Variants in CLEC2L observed in about 807,000 individuals in gnomAD.
CLEC2L encodes the protein C-type lectin domain family 2 member L, also known as C-type lectin domain family 2, member L.
In CLEC2L, 14 loss-of-function variants were observed where a neutral mutation model predicts 23.6. That is an observed-to-expected ratio of 0.59 (90% CI 0.39 to 0.93). The LOEUF is 0.93. Ranked by LOEUF, CLEC2L falls within the 40% of genes least tolerant of loss-of-function variation. CLEC2L has a pLI of 0.00. For missense variants in CLEC2L, 264 were observed against 282.4 expected (o/e 0.93, Z 0.47); for synonymous variants, 114 against 121.3 (o/e 0.94, Z 0.40).
intron 1 of CLEC2L, among the ~76,000 whole-genome samples, chr7:139,527,040 GTC>G (rs538263145): frequency 7.7e-4 from 117 of 152,356 alleles, no homozygotes; most frequent in Non-Finnish European, 1.2e-3. Flanking sequence ...CCTCCAAGAA[GTC>G]TCTGCTCCTT....
Position 139,542,084 on chromosome 7 carries a change from T to C in CLEC2L, c.496T>C (p.Phe166Leu). 1.2e-6 allele frequency: 2 copies of C among 1,613,036 alleles called. No individual in the cohort carries two copies. Among genetic ancestry groups the C allele is most frequent in the East Asian group, 4.5e-5 (2 of 44,862 alleles). The change falls in exon 4 of 5, where the codon TTC becomes CTC. Residue 166 changes from phenylalanine to leucine, a missense_variant. By Grantham distance (22) the Phe-to-Leu change is conservative. Transcript: ENST00000422142. ...WIGLRRVGDE[F>L]HWVNGDPFDP... ...TGGACTACGCAGAGTTGGGGACGAA[T>C]TCCACTGGGTCAACGGGGACCCGTT...
At chr7:139,533,978 T>C (rs1025878466) in intron 1 of CLEC2L, among the ~76,000 whole-genome samples, 1 of 152,168 alleles carries the variant, frequency 6.6e-6, no homozygotes, top group Admixed American at 6.5e-5. Context: ...GTAACTGTAC[T>C]TAACTGTGCA....
intron 2 of CLEC2L, among the ~76,000 whole-genome samples, chr7:139,538,299 G>C (rs1344314610): frequency 6.6e-6 from 1 of 151,460 alleles, no homozygotes; most frequent in Non-Finnish European, 1.5e-5. Context: ...TGGGCATGGT[G>C]GTGTGTACCT....
chr7:139,540,597 C>A lies in CLEC2L; in HGVS notation c.432+110C>A. On this transcript the variant is annotated intron_variant, in intron 3 of 4. Coordinates refer to ENST00000422142, the MANE Select transcript of CLEC2L (RefSeq NM_001080511.4). This position sits in a 1 kb window ranked among gnomAD's most constrained non-coding sequence, Gnocchi z 5.8. ...GGATGCAGTGTTCCCTGTGACACGT[C>A]TCCAAAGCCGCCCACCTGCTGCATA... The A allele has an allele frequency of 7.6e-7, 1 of 1,308,376 alleles. No homozygotes were observed. The highest frequency in any genetic ancestry group is 1.1e-6 in the Non-Finnish European group (1 of 939,004). The allele number at this position is 1,308,376 out of a possible 1,614,324, so 81.0% of individuals were successfully genotyped here.
In CLEC2L at chr7:139,544,472, A is replaced by G; in HGVS notation, c.*130A>G. 1.6e-6 allele frequency: 1 copy of G among 638,418 alleles called. No homozygotes were observed. The highest frequency in any genetic ancestry group is 1.9e-5 in the South Asian group (1 of 51,652). 39.5% of individuals were successfully genotyped at this position (638,418 alleles called of 1,614,324 possible). ...GCGGTGGGTGCGTGGCCTCCGCCCC[A>G]GGCCCCTCTCCCAGGCCCTGGCGCT... On this transcript the variant is annotated 3_prime_UTR_variant, in exon 5 of 5. Transcript: ENST00000422142.
chr7:139,530,813 CAAAAAAAAAA>C (rs34317849), intron 1 of CLEC2L, among the ~76,000 whole-genome samples: 4 of 80,658 alleles, frequency 5.0e-5, no homozygotes, highest in Middle Eastern at 7.1e-3. Flanking sequence ...ACTCTTGTCT[CAAAAAAAAAA>C]AAAAAAAAAA....
chr7:139,526,383 G>A (rs1040848815), intron 1 of CLEC2L, among the ~76,000 whole-genome samples: 1 of 152,144 alleles, frequency 6.6e-6, no homozygotes, highest in Non-Finnish European at 1.5e-5. Flanking sequence ...GGACCCAGAC[G>A]GAAGGAGAGG....
intron 4 of CLEC2L, among the ~76,000 whole-genome samples, chr7:139,543,816 T>C (rs539429146): frequency 5.3e-5 from 8 of 152,112 alleles, no homozygotes; most frequent in Non-Finnish European, 1.0e-4. Context: ...AGATGGCTGC[T>C]TTGGGGACCT....
At chr7:139,538,947 T>C (rs1797698616) in intron 2 of CLEC2L, among the ~76,000 whole-genome samples, 1 of 152,150 alleles carries the variant, frequency 6.6e-6, no homozygotes, top group South Asian at 2.1e-4. Context: ...AGGAGATCCT[T>C]ATGGAAAAGC....
At chr7:139,542,181 C>A in intron 4 of CLEC2L, 60 bp downstream of exon 4, 1 of 1,147,742 alleles carries the variant, frequency 8.7e-7, no homozygotes. Flanking sequence ...CTGACTCACC[C>A]CCTGGACACA....
intron 3 of CLEC2L, 29 bp from the exon 4 acceptor site, chr7:139,541,992 C>T: frequency 6.6e-7 from 1 of 1,516,054 alleles, no homozygotes. Flanking sequence ...CGCATCTGAC[C>T]CTGAGGTGTC....
At chr7:139,542,395 T>C (rs6944625) in intron 4 of CLEC2L, among the ~76,000 whole-genome samples, 7,601 of 152,274 alleles carry the variant, frequency 0.05, 614 homozygotes, top group African/African-American at 0.17. Context: ...CTTGAGTCCC[T>C]GATCTGTGCA....
rs1045500229 is a variant in CLEC2L at position 139,523,946 on chromosome 7, C to G, written c.19C>G (p.Pro7Ala). 610 of 971,882 alleles carry G rather than the reference C, an allele frequency of 6.3e-4. 2 individuals carry two copies. Among genetic ancestry groups the G allele is most frequent in the Non-Finnish European group, 7.2e-4 (589 of 820,876 alleles). 60.2% of individuals were successfully genotyped at this position (971,882 alleles called of 1,614,324 possible). The change falls in exon 1 of 5, where the codon CCC (proline) becomes GCC (alanine). Residue 7 changes from proline (P) to alanine (A), a missense_variant. Physicochemically the swap from Pro to Ala is conservative, Grantham distance 27. Transcript: ENST00000422142. This position sits in a 1 kb window ranked among gnomAD's most constrained non-coding sequence, Gnocchi z 4.1. MEPARE[P>A]PSRARPPPPL... ...GCCCCGCATGGAGCCGGCCCGGGAGCCCCCCTCGCGGGCCCGGCCGCCGCC... is the reference window on the plus strand; with the variant it reads ...GCCCCGCATGGAGCCGGCCCGGGAGGCCCCCTCGCGGGCCCGGCCGCCGCC...
intron 1 of CLEC2L, among the ~76,000 whole-genome samples, chr7:139,534,972 A>C (rs893204443): frequency 2.0e-5 from 3 of 151,852 alleles, no homozygotes; most frequent in East Asian, 1.9e-4. Context: ...AAAAAAAAAA[A>C]AAACAAAAGA....
At chr7:139,542,179 C>A in intron 4 of CLEC2L, 58 bp downstream of exon 4, 1 of 1,167,996 alleles carries the variant, frequency 8.6e-7, no homozygotes, top group Non-Finnish European at 1.2e-6. Context: ...GCCTGACTCA[C>A]CCCCTGGACA....
At position 139,536,296 on chromosome 7, in the gene CLEC2L, G is replaced by C; in HGVS notation, c.213G>C (p.Leu71=). ...ALEDTTTRLL[L]GAIAVLLFAI... Reference sequence around the variant, plus strand: ...TAGACACCACCACACGCCTCCTGCTGGGTGCCATCGCGGTCCTTCTGTTCG... The same window carrying C: ...TAGACACCACCACACGCCTCCTGCTCGGTGCCATCGCGGTCCTTCTGTTCG... Residue 71 remains leucine, a synonymous_variant, in exon 2 of 5, where the codon CTG becomes CTC. Coordinates refer to ENST00000422142, the MANE Select transcript of CLEC2L (RefSeq NM_001080511.4). The C allele has an allele frequency of 3.9e-6, 6 of 1,551,502 alleles. No homozygotes were observed. The highest frequency in any genetic ancestry group is 5.2e-6 in the Non-Finnish European group (6 of 1,146,844).
intron 1 of CLEC2L, among the ~76,000 whole-genome samples, chr7:139,524,581 G>A (rs541272261): frequency 4.6e-5 from 6 of 131,322 alleles, no homozygotes; most frequent in African/African-American, 1.8e-4. Context: ...ATGTGGGGAG[G>A]GCAGGGCAGG....
chr7:139,544,182 G>A, intron 4 of CLEC2L, 49 bp from the exon 5 acceptor site: 1 of 1,443,718 alleles, frequency 6.9e-7, no homozygotes, highest in Non-Finnish European at 9.6e-7. Context: ...CTGGGTTTTG[G>A]GCTGAATGTT....
chr7:139,543,338 C>G (rs1472207721), intron 4 of CLEC2L, among the ~76,000 whole-genome samples: 6 of 152,224 alleles, frequency 3.9e-5, no homozygotes, highest in African/African-American at 1.4e-4. Flanking sequence ...CCTCTCCCTG[C>G]TTTTCTGGAA....
Sources: allele counts gnomAD v4.1 joint callset (sites outside exome capture counted in the v4.1 genomes callset), GRCh38; gene constraint gnomAD v4.1.1; non-coding constraint Gnocchi (gnomAD v3.1); transcripts MANE v1.5; gene names NCBI Gene and HGNC (gene_info 2026-07-23, HGNC 2026-07-21).